Variants in HEPH observed in about 807,000 individuals in gnomAD.
The protein encoded by HEPH is hephaestin.
HEPH carries 69 observed loss-of-function variants against 80.8 expected under a neutral mutation model. The ratio of observed to expected loss-of-function variants is 0.85; its 90% CI spans 0.70 to 1.04. The LOEUF (loss-of-function observed/expected upper bound fraction) is 1.04. Among genes scored for constraint, HEPH ranks in the 50% least tolerant of loss-of-function variants. The probability of loss-of-function intolerance (pLI) is 0.00; values close to 1 mark genes in which losing one functional copy is unlikely to be tolerated. For synonymous variants in HEPH, 431 were observed against 322.8 expected, an observed-to-expected ratio of 1.34 and a Z score of -3.60; for missense variants, 1,115 against 891.3, an observed-to-expected ratio of 1.25 and a Z score of -3.20.
intron 7 of HEPH, 95 bp from the exon 8 acceptor site, chrX:66,193,407 A>G: frequency 5.5e-6 from 3 of 547,130 alleles, no homozygotes; most frequent in Non-Finnish European, 8.4e-6. Flanking sequence ...TCCTTCCTAA[A>G]TATAAAGATT....
At chrX:66,203,625 C>A in intron 13 of HEPH, 48 bp downstream of exon 13, 21 of 1,073,818 alleles carry the variant, frequency 2.0e-5, no homozygotes, top group Non-Finnish European at 2.7e-5. Flanking sequence ...AAACATTTTG[C>A]AAATGAGAAT....
intron 15 of HEPH, among the ~76,000 whole-genome samples, chrX:66,253,360 T>C (rs2091067656): frequency 8.9e-6 from 1 of 112,406 alleles, no homozygotes; most frequent in Non-Finnish European, 1.9e-5. Flanking sequence ...GAGAAGATTC[T>C]CAACATGGTT....
In HEPH at chrX:66,258,861, C is replaced by G. The variant is rs761936801; in HGVS notation, c.2918C>G (p.Ala973Gly). Residue 973 changes from alanine (A) to glycine (G), a missense_variant, in exon 18 of 21, where the codon GCC becomes GGC. Physicochemically the swap from Ala to Gly is moderately conservative, Grantham distance 60 (BLOSUM62 0). Transcript: ENST00000343002. ...ACAGCAATCAATGGGAAACTCTATGCCAACCTTAGGGGTCTTACCATGTAC... is the reference window on the plus strand; with the variant it reads ...ACAGCAATCAATGGGAAACTCTATGGCAACCTTAGGGGTCTTACCATGTAC... ...KMHAINGKLY[A>G]NLRGLTMYQG... 4.3e-6 allele frequency: 5 copies of G among 1,164,774 alleles called. No homozygotes were observed. The African/African-American group carries it at 9.0e-5, about 21-fold the overall frequency.
intron 15 of HEPH, among the ~76,000 whole-genome samples, chrX:66,234,359 G>C (rs746973941): frequency 5.4e-5 from 6 of 110,711 alleles, no homozygotes; most frequent in Non-Finnish European, 1.1e-4. Flanking sequence ...TTCCTATTGC[G>C]AATAGTGCTG....
At chrX:66,213,385 G>A (rs1181191787) in intron 15 of HEPH, among the ~76,000 whole-genome samples, 1 of 111,548 alleles carries the variant, frequency 9.0e-6, no homozygotes, top group Admixed American at 9.6e-5. Context: ...ATTCACAATA[G>A]CAAAGACTTG....
At chrX:66,192,686 C>G (rs759048975) in intron 7 of HEPH, among the ~76,000 whole-genome samples, 1 of 111,852 alleles carries the variant, frequency 8.9e-6, no homozygotes, top group East Asian at 2.8e-4. Flanking sequence ...CATTTCTTTT[C>G]TATAGTCTGA....
intron 15 of HEPH, among the ~76,000 whole-genome samples, chrX:66,211,043 G>A (rs1037986216): frequency 1.8e-5 from 2 of 111,386 alleles, no homozygotes; most frequent in Admixed American, 1.9e-4. Flanking sequence ...CTGTAACTTG[G>A]AAGAGACACC....
intron 15 of HEPH, among the ~76,000 whole-genome samples, chrX:66,242,030 A>G (rs2090609558): frequency 9.1e-6 from 1 of 109,887 alleles, no homozygotes; most frequent in Admixed American, 9.7e-5. Flanking sequence ...TAAAATATAT[A>G]TGAGCCAAAA....
At chrX:66,233,255 T>C (rs765980562) in intron 15 of HEPH, among the ~76,000 whole-genome samples, 1 of 111,754 alleles carries the variant, frequency 8.9e-6, no homozygotes, top group Non-Finnish European at 1.9e-5. Context: ...TATGTGAGCA[T>C]GCTGCAAAAT....
chrX:66,216,062 C>T (rs2089375046), intron 15 of HEPH, among the ~76,000 whole-genome samples: 2 of 111,771 alleles, frequency 1.8e-5, no homozygotes, highest in African/African-American at 6.5e-5. Context: ...ACAGCAAGCC[C>T]TGCCCAAGGA....
intron 12 of HEPH, among the ~76,000 whole-genome samples, chrX:66,202,511 G>T (rs1188327206): frequency 9.0e-6 from 1 of 111,588 alleles, no homozygotes; most frequent in Non-Finnish European, 1.9e-5. Flanking sequence ...TTAAGATCTG[G>T]TCCAGGCAAC....
intron 20 of HEPH, among the ~76,000 whole-genome samples, chrX:66,265,584 C>T (rs1001568474): frequency 2.7e-5 from 3 of 110,647 alleles, no homozygotes; most frequent in African/African-American, 3.3e-5. Context: ...AAGGTACAGG[C>T]GCTTGGAAAA....
intron 15 of HEPH, among the ~76,000 whole-genome samples, chrX:66,216,706 C>T (rs1418151096): frequency 9.0e-6 from 1 of 111,362 alleles, no homozygotes; most frequent in Non-Finnish European, 1.9e-5. Flanking sequence ...GCAATGGATC[C>T]AAATCAAGAT....
intron 15 of HEPH, among the ~76,000 whole-genome samples, chrX:66,232,601 A>G (rs1602449550): frequency 9.0e-6 from 1 of 111,404 alleles, no homozygotes; most frequent in East Asian, 2.8e-4. Context: ...GGGGCATATG[A>G]AAGTTATAAT....
intron 15 of HEPH, among the ~76,000 whole-genome samples, chrX:66,220,624 G>T (rs1009711865): frequency 8.9e-6 from 1 of 111,878 alleles, no homozygotes; most frequent in African/African-American, 3.3e-5. Flanking sequence ...CTTATTTTCT[G>T]CCATATAGCC....
intron 15 of HEPH, among the ~76,000 whole-genome samples, chrX:66,215,171 G>A (rs927278788): frequency 9.0e-6 from 1 of 111,282 alleles, no homozygotes; most frequent in Non-Finnish European, 1.9e-5. Flanking sequence ...CATATGCTTG[G>A]TTAAGCTAAT....
intron 4 of HEPH, among the ~76,000 whole-genome samples, chrX:66,187,002 C>T (rs767111584): frequency 9.0e-6 from 1 of 110,884 alleles, no homozygotes; most frequent in South Asian, 3.8e-4. Context: ...TTTTCTTCTA[C>T]TTGTTCAATT....
At chrX:66,227,293 A>G (rs2089933611) in intron 15 of HEPH, among the ~76,000 whole-genome samples, 1 of 111,948 alleles carries the variant, frequency 8.9e-6, no homozygotes, top group South Asian at 3.8e-4. Flanking sequence ...ATACCTTAAG[A>G]TATGTCAAGC....
chrX:66,230,462 G>C (rs2090080298), intron 15 of HEPH, among the ~76,000 whole-genome samples: 1 of 108,350 alleles, frequency 9.2e-6, no homozygotes, highest in African/African-American at 3.5e-5. Context: ...TTGAATGATT[G>C]CCATTCTAAC....
Sources: allele counts gnomAD v4.1 joint callset (sites outside exome capture counted in the v4.1 genomes callset), GRCh38; gene constraint gnomAD v4.1.1; transcripts MANE v1.5; gene names NCBI Gene and HGNC (gene_info 2026-07-23, HGNC 2026-07-21).